MACROD2: variants seen among roughly 807,000 people sequenced by gnomAD.
MACROD2 encodes the protein mono-ADP ribosylhydrolase 2.
In MACROD2, 36 loss-of-function variants were observed where a neutral mutation model predicts 70.4. The ratio of observed to expected loss-of-function variants is 0.51; its 90% CI spans 0.39 to 0.68. The LOEUF is 0.68. Among genes scored for constraint, MACROD2 ranks in the 30% least tolerant of loss-of-function variants. The pLI is 0.00. For missense variants in MACROD2, 496 were observed against 538.4 expected, an observed-to-expected ratio of 0.92 and a Z score of 0.78; for synonymous variants, 172 against 178.8, an observed-to-expected ratio of 0.96 and a Z score of 0.30.
At chr20:14,290,566 A>G (rs948689862) in intron 3 of MACROD2, among the ~76,000 whole-genome samples, 5 of 150,160 alleles carry the variant, frequency 3.3e-5, no homozygotes, top group Non-Finnish European at 5.9e-5. Context: ...CTGGAGTGCA[A>G]TGGCACAATT....
rs58389023 is a variant in MACROD2 at position 15,876,115 on chromosome 20, G to GTATGTA, written c.728-9648_728-9647insATGTAT. 1.2e-3 allele frequency among the ~76,000 whole-genome samples: 171 copies of GTATGTA among 138,892 alleles called. 7 individuals carry two copies. Among genetic ancestry groups the GTATGTA allele is most frequent in the African/African-American group, 3.1e-3 (105 of 33,624 alleles). 91.1% of individuals were successfully genotyped at this position (138,892 alleles called of 152,430 possible). ...TTTATATATATATATATATATATGT[G>GTATGTA]TGTATTTTTTTTATTACACTGTAAG... is the stretch of plus-strand genomic sequence containing the variant. On this transcript the variant is annotated intron_variant, in intron 9 of 17. Coordinates refer to ENST00000684519, the MANE Select transcript of MACROD2 (RefSeq NM_001351661.2).
intron 6 of MACROD2, among the ~76,000 whole-genome samples, chr20:15,261,402 T>G (rs1372093396): frequency 6.6e-6 from 1 of 152,000 alleles, no homozygotes; most frequent in Non-Finnish European, 1.5e-5. Context: ...TTATTTCTAA[T>G]TGGGCAGTTT....
At chr20:16,009,511 C>T (rs569291964) in intron 15 of MACROD2, among the ~76,000 whole-genome samples, 5 of 152,336 alleles carry the variant, frequency 3.3e-5, no homozygotes, top group Admixed American at 6.5e-5. Flanking sequence ...AATCCCAGCA[C>T]TTCGGGAGGC....
intron 5 of MACROD2, among the ~76,000 whole-genome samples, chr20:14,796,847 T>C (rs2072515339): frequency 6.6e-6 from 1 of 152,050 alleles, no homozygotes; most frequent in East Asian, 1.9e-4. Flanking sequence ...CATTCTAGTG[T>C]TGCTTTCTCC....
rs1363621960 is a variant in MACROD2 at position 16,050,566 on chromosome 20, G to A, written c.*690G>A. 6.6e-6 allele frequency: 1 copy of A among 152,292 alleles called. No homozygotes were observed. The highest frequency in any genetic ancestry group is 1.5e-5 in the Non-Finnish European group (1 of 68,122). 9.4% of individuals were successfully genotyped at this position (152,292 alleles called of 1,614,324 possible). On this transcript the variant is annotated 3_prime_UTR_variant, in exon 18 of 18. Coordinates refer to ENST00000684519, the MANE Select transcript of MACROD2 (RefSeq NM_001351661.2). ...GGGTCTCTTCCTTCCTAACCATGGT[G>A]GCAGGTGCATCCTTCTTTGACACTG... is the stretch of plus-strand genomic sequence containing the variant.
chr20:15,599,909 C>A (rs538113622), intron 8 of MACROD2, among the ~76,000 whole-genome samples: 16 of 152,302 alleles, frequency 1.1e-4, no homozygotes, highest in Non-Finnish European at 2.2e-4. Context: ...CTCTAAGTAT[C>A]CAGACCTTTT....
At chr20:14,032,416 T>A (rs2053256509) in intron 2 of MACROD2, among the ~76,000 whole-genome samples, 1 of 152,170 alleles carries the variant, frequency 6.6e-6, no homozygotes, top group Admixed American at 6.5e-5. Context: ...TATACCCACA[T>A]CAGTTTTATA....
At chr20:14,529,349 C>A (rs76922416) in intron 4 of MACROD2, among the ~76,000 whole-genome samples, 3,183 of 152,316 alleles carry the variant, frequency 0.021, 56 homozygotes, top group Middle Eastern at 0.058. Context: ...TTTCATCTTT[C>A]TGCCCTGCCA....
At chr20:14,473,370 T>C (rs2084552461) in intron 3 of MACROD2, among the ~76,000 whole-genome samples, 1 of 152,168 alleles carries the variant, frequency 6.6e-6, no homozygotes, top group South Asian at 2.1e-4. Flanking sequence ...AGATCAACTT[T>C]TTTAGATTTC....
intron 8 of MACROD2, among the ~76,000 whole-genome samples, chr20:15,520,972 C>A (rs1159999248): frequency 1.3e-5 from 2 of 152,220 alleles, no homozygotes; most frequent in African/African-American, 4.8e-5. Flanking sequence ...CATTCTGTTT[C>A]TCATCAGATA....
Position 15,849,463 on chromosome 20 carries a change from G to T in MACROD2, c.646-13282G>T, listed in dbSNP as rs192524744. Among the ~76,000 whole-genome samples, 28 of 152,320 alleles carry T rather than the reference G, an allele frequency of 1.8e-4. No individual in the cohort carries two copies. In the East Asian group the frequency reaches 5.2e-3, roughly 28 times the overall value. ...CACAGGACGATTGCACGGTTATGCA[G>T]TGGGCCCCGTTCCTTCGAGCATCGT... On this transcript the variant is annotated intron_variant, in intron 8 of 17. Transcript: ENST00000684519.
intron 8 of MACROD2, among the ~76,000 whole-genome samples, chr20:15,726,035 A>G (rs1001472891): frequency 6.6e-6 from 1 of 152,030 alleles, no homozygotes; most frequent in Admixed American, 6.6e-5. Context: ...GCCCAGGTAA[A>G]AAGCATACTA....
chr20:15,465,450 A>G (rs1397157234), intron 7 of MACROD2, among the ~76,000 whole-genome samples: 1 of 152,262 alleles, frequency 6.6e-6, no homozygotes, highest in Non-Finnish European at 1.5e-5. Context: ...TGGCTTCAGC[A>G]AGGTTCTGGC....
At chr20:14,001,614 AG>A (rs1026896198) in intron 1 of MACROD2, among the ~76,000 whole-genome samples, 2 of 152,148 alleles carry the variant, frequency 1.3e-5, no homozygotes, top group Non-Finnish European at 2.9e-5. Flanking sequence ...ATTAAAAAAA[AG>A]ACGTTTAATA....
chr20:15,862,532 G>A (rs1407597482), intron 8 of MACROD2, among the ~76,000 whole-genome samples: 1 of 151,786 alleles, frequency 6.6e-6, no homozygotes, highest in Non-Finnish European at 1.5e-5. Flanking sequence ...AGAGCCCATA[G>A]GTTTATTTAT....
intron 5 of MACROD2, among the ~76,000 whole-genome samples, chr20:15,045,737 T>G (rs1262179055): frequency 6.8e-6 from 1 of 147,746 alleles, no homozygotes; most frequent in Non-Finnish European, 1.5e-5. Flanking sequence ...TTTTTTTTTT[T>G]TTTTTTTCCC....
intron 5 of MACROD2, among the ~76,000 whole-genome samples, chr20:14,704,359 A>G (rs1181030452): frequency 6.6e-6 from 1 of 152,020 alleles, no homozygotes; most frequent in Non-Finnish European, 1.5e-5. Flanking sequence ...TAAATAGCCC[A>G]GCTCACTGCT....
chr20:14,131,378 C>A (rs2054716872), intron 3 of MACROD2, among the ~76,000 whole-genome samples: 1 of 152,202 alleles, frequency 6.6e-6, no homozygotes, highest in East Asian at 1.9e-4. Context: ...AATAGCAGAA[C>A]CATCTACATT....
intron 3 of MACROD2, among the ~76,000 whole-genome samples, chr20:14,472,422 G>T (rs1240147161): frequency 6.6e-6 from 1 of 152,108 alleles, no homozygotes; most frequent in African/African-American, 2.4e-5. Flanking sequence ...TATGTTGAAT[G>T]CTTTATATGT....
Sources: allele counts gnomAD v4.1 joint callset (sites outside exome capture counted in the v4.1 genomes callset), GRCh38; gene constraint gnomAD v4.1.1; transcripts MANE v1.5; gene names NCBI Gene and HGNC (gene_info 2026-07-23, HGNC 2026-07-21).